Variants in DECR1 observed in about 807,000 individuals in gnomAD.
The protein encoded by DECR1 is 2,4-dienoyl-CoA reductase [(3E)-enoyl-CoA-producing], mitochondrial.
In DECR1, 44 loss-of-function variants were observed where a neutral mutation model predicts 38.8. The observed-to-expected ratio is 1.13, with a 90% CI of 0.89 to 1.46. The LOEUF (loss-of-function observed/expected upper bound fraction) is 1.46, where lower values mean the gene tolerates loss of function less well. Ranked by LOEUF, DECR1 falls within the 40% of genes most tolerant of loss-of-function variation. DECR1 has a pLI of 0.00. For missense variants in DECR1, 428 were observed against 405.5 expected (o/e 1.06, Z -0.48); for synonymous variants, 148 against 135.2 (o/e 1.09, Z -0.66).
At chr8:90,047,425 AAGAG>A (rs1813940294) in intron 8 of DECR1, among the ~76,000 whole-genome samples, 1 of 152,212 alleles carries the variant, frequency 6.6e-6, no homozygotes, top group African/African-American at 2.4e-5. Flanking sequence ...CAAAGATCAG[AAGAG>A]AGAAAGAAGG....
At chr8:90,031,950 T>A (rs1449587073) in intron 5 of DECR1, among the ~76,000 whole-genome samples, 1 of 152,198 alleles carries the variant, frequency 6.6e-6, no homozygotes, top group Non-Finnish European at 1.5e-5. Flanking sequence ...AAAGTTGACA[T>A]AATACACTAT....
intron 5 of DECR1, among the ~76,000 whole-genome samples, chr8:90,023,097 A>G (rs1305251358): frequency 6.6e-6 from 1 of 152,168 alleles, no homozygotes; most frequent in African/African-American, 2.4e-5. Flanking sequence ...CAAGGAACTG[A>G]AGCGTGACAT....
At chr8:90,021,347 T>A (rs956571172) in intron 5 of DECR1, among the ~76,000 whole-genome samples, 1 of 151,996 alleles carries the variant, frequency 6.6e-6, no homozygotes, top group Non-Finnish European at 1.5e-5. Context: ...AAGATCTAGA[T>A]GTGGAGAAAG....
intron 1 of DECR1, 27 bp downstream of exon 1, chr8:90,001,588 G>C: frequency 6.2e-7 from 1 of 1,604,898 alleles, no homozygotes; most frequent in Non-Finnish European, 8.5e-7. Context: ...CGCGGGGAGC[G>C]AGGACAGGGC....
chr8:90,013,102 C>G (rs1435822905), intron 1 of DECR1, among the ~76,000 whole-genome samples: 1 of 152,090 alleles, frequency 6.6e-6, no homozygotes, highest in African/African-American at 2.4e-5. Context: ...TGATTTTTGT[C>G]TTTTTGACTT....
intron 1 of DECR1, among the ~76,000 whole-genome samples, chr8:90,012,790 C>G (rs907598492): frequency 6.6e-6 from 1 of 152,138 alleles, no homozygotes; most frequent in Non-Finnish European, 1.5e-5. Context: ...AATTTGGAAG[C>G]CTTCCATTTG....
At chr8:90,004,391 T>A (rs1016980464) in intron 1 of DECR1, among the ~76,000 whole-genome samples, 2 of 150,958 alleles carry the variant, frequency 1.3e-5, no homozygotes, top group Admixed American at 6.6e-5. Flanking sequence ...AAGAGTAAAA[T>A]CACTATTTTT....
rs1813646197 is a variant in DECR1 at position 90,037,610 on chromosome 8, C to A, written c.665+670C>A. ...TACAAGCAGGTGCCACAGCGCCTGGCTAATTTTTAAAATTTTTTTGTAGAG... is the reference window on the plus strand; with the variant it reads ...TACAAGCAGGTGCCACAGCGCCTGGATAATTTTTAAAATTTTTTTGTAGAG... On this transcript the variant is annotated intron_variant, in intron 6 of 9. Coordinates refer to ENST00000220764, the MANE Select transcript of DECR1 (RefSeq NM_001359.2). Among the ~76,000 whole-genome samples the A allele has an allele frequency of 3.3e-5, 5 of 152,004 alleles. No individual in the cohort carries two copies. In the South Asian group the frequency reaches 1.0e-3, roughly 32 times the overall value.
At chr8:90,021,859 A>G (rs929448599) in intron 5 of DECR1, among the ~76,000 whole-genome samples, 1 of 152,222 alleles carries the variant, frequency 6.6e-6, no homozygotes, top group Non-Finnish European at 1.5e-5. Flanking sequence ...ACTTACTAGG[A>G]GAACATTTTT....
chr8:90,032,786 C>G (rs915441197), intron 5 of DECR1, among the ~76,000 whole-genome samples: 1 of 152,184 alleles, frequency 6.6e-6, no homozygotes, highest in Non-Finnish European at 1.5e-5. Context: ...TTGGATGTGT[C>G]TGTGAAACTA....
rs144643697 is a variant in DECR1, at chr8:90,052,521, C to A, written c.*624C>A. ...AACTTATAAATAATTATTTATGATACATTGTGATAAGTATTATTCCAGCAG... is the reference window on the plus strand; with the variant it reads ...AACTTATAAATAATTATTTATGATAAATTGTGATAAGTATTATTCCAGCAG... On this transcript the variant is annotated 3_prime_UTR_variant, in exon 10 of 10. Coordinates refer to ENST00000220764, the MANE Select transcript of DECR1 (RefSeq NM_001359.2). 4.1e-4 allele frequency among the ~76,000 whole-genome samples: 62 copies of A among 152,024 alleles called. No individual in the cohort carries two copies. The highest frequency in any genetic ancestry group is 6.9e-4 in the Non-Finnish European group (47 of 67,976).
At chr8:90,024,943 T>C (rs1212206507) in intron 5 of DECR1, among the ~76,000 whole-genome samples, 2 of 152,232 alleles carry the variant, frequency 1.3e-5, no homozygotes, top group Non-Finnish European at 1.5e-5. Flanking sequence ...TACATATGGC[T>C]AGCCAGTTTT....
chr8:90,046,786 G>A (rs947273853), intron 8 of DECR1, among the ~76,000 whole-genome samples: 1 of 152,208 alleles, frequency 6.6e-6, no homozygotes, highest in African/African-American at 2.4e-5. Flanking sequence ...CAGACAGAGA[G>A]AAAGGTCAGG....
intron 1 of DECR1, among the ~76,000 whole-genome samples, chr8:90,011,428 T>C (rs1812881019): frequency 6.6e-6 from 1 of 152,216 alleles, no homozygotes; most frequent in Non-Finnish European, 1.5e-5. Flanking sequence ...TCTTTGGCTA[T>C]TTTGAGTCTC....
chr8:90,048,824 CA>C (rs1211607888), intron 8 of DECR1, among the ~76,000 whole-genome samples: 1 of 152,164 alleles, frequency 6.6e-6, no homozygotes. Flanking sequence ...AGCAGCACAT[CA>C]AAAAGGTTAT....
chr8:90,011,277 C>T (rs1030075402), intron 1 of DECR1, among the ~76,000 whole-genome samples: 9 of 152,118 alleles, frequency 5.9e-5, no homozygotes, highest in African/African-American at 1.9e-4. Context: ...TACATTCCAG[C>T]TCCTTCTTTT....
chr8:90,013,002 C>A (rs1168256580), intron 1 of DECR1, among the ~76,000 whole-genome samples: 3 of 152,190 alleles, frequency 2.0e-5, no homozygotes, highest in Non-Finnish European at 4.4e-5. Flanking sequence ...TTTACTTCTA[C>A]ATGGCAGATC....
intron 8 of DECR1, among the ~76,000 whole-genome samples, chr8:90,047,083 A>G (rs1489774897): frequency 6.6e-6 from 1 of 152,224 alleles, no homozygotes; most frequent in African/African-American, 2.4e-5. Context: ...AAAACAGGCC[A>G]AATTGTAGAG....
At chr8:90,028,268 A>AT (rs906033530) in intron 5 of DECR1, among the ~76,000 whole-genome samples, 27 of 151,688 alleles carry the variant, frequency 1.8e-4, no homozygotes, top group South Asian at 4.2e-4. Context: ...TCATATTTGG[A>AT]TTTTTTTTTA....
Sources: allele counts gnomAD v4.1 joint callset (sites outside exome capture counted in the v4.1 genomes callset), GRCh38; gene constraint gnomAD v4.1.1; transcripts MANE v1.5; gene names NCBI Gene and HGNC (gene_info 2026-07-23, HGNC 2026-07-21).